VCAM1: variants seen among roughly 807,000 people sequenced by gnomAD.
VCAM1 encodes the protein vascular cell adhesion molecule 1.
VCAM1 carries 41 observed loss-of-function variants against 63.8 expected under a neutral mutation model. The ratio of observed to expected loss-of-function variants is 0.64; its 90% CI spans 0.50 to 0.83. The LOEUF is 0.83. Among genes scored for constraint, VCAM1 ranks in the 40% least tolerant of loss-of-function variants. VCAM1 has a pLI of 0.00. For missense variants in VCAM1, 798 were observed against 875.5 expected, an observed-to-expected ratio of 0.91 and a Z score of 1.12; for synonymous variants, 338 against 320.7, an observed-to-expected ratio of 1.05 and a Z score of -0.58.
intron 2 of VCAM1, among the ~76,000 whole-genome samples, chr1:100,721,306 T>A (rs1426175772): frequency 6.6e-6 from 1 of 152,064 alleles, no homozygotes; most frequent in Non-Finnish European, 1.5e-5. Context: ...ATTTAGGATT[T>A]TTTTTTGGTT....
intron 3 of VCAM1, among the ~76,000 whole-genome samples, chr1:100,723,723 C>T (rs943754790): frequency 6.6e-6 from 1 of 151,978 alleles, no homozygotes; most frequent in Non-Finnish European, 1.5e-5. Flanking sequence ...TGCACAGGTA[C>T]AGAAACTTGA....
chr1:100,731,545 G>GT lies in VCAM1; in HGVS notation c.1525+30dup, dbSNP rs1660458186. The GT allele has an allele frequency of 7.0e-6, 11 of 1,568,096 alleles. No individual in the cohort carries two copies. The highest frequency in any genetic ancestry group is 8.7e-6 in the Non-Finnish European group (10 of 1,150,258). ...TAAGTACATATGTGAGGTATCTACA[G>GT]TTTAATACCTGTCTCTTTATCGTGT... On this transcript the variant is annotated intron_variant, in intron 6 of 8. Coordinates refer to ENST00000294728, the MANE Select transcript of VCAM1 (RefSeq NM_001078.4). The surrounding 1 kb of genome is among the most constrained non-coding windows in gnomAD (Gnocchi z 4.2).
At chr1:100,724,009 C>T (rs1208246526) in intron 3 of VCAM1, among the ~76,000 whole-genome samples, 2 of 151,920 alleles carry the variant, frequency 1.3e-5, no homozygotes, top group African/African-American at 4.8e-5. Context: ...AGAGAATGAG[C>T]TGGGAAGGCT....
intron 7 of VCAM1, 39 bp downstream of exon 7, chr1:100,732,723 A>G: frequency 6.6e-7 from 1 of 1,505,144 alleles, no homozygotes; most frequent in East Asian, 2.3e-5. Context: ...CTTGCTAGTA[A>G]TGTTTTTGGT....
At chr1:100,727,919 A>G (rs1381212019) in intron 4 of VCAM1, among the ~76,000 whole-genome samples, 1 of 152,136 alleles carries the variant, frequency 6.6e-6, no homozygotes, top group Non-Finnish European at 1.5e-5. Context: ...ATAGATGAGA[A>G]CCATGCAAAA....
rs769108310 is a variant in VCAM1, at chr1:100,734,667, A to G, written c.1958A>G (p.Tyr653Cys). 1.2e-6 allele frequency: 2 copies of G among 1,614,038 alleles called. No individual in the cohort carries two copies. The highest frequency in any genetic ancestry group is 2.2e-5 in the South Asian group (2 of 91,082). Reference sequence around the variant, plus strand: ...GTACTAAAATCTATAGATGGCGCCTATACCATCCGAAAGGCCCAGTTGAAG... The same window carrying G: ...GTACTAAAATCTATAGATGGCGCCTGTACCATCCGAAAGGCCCAGTTGAAG... Reference protein sequence around the residue: ...DTVLKSIDGAYTIRKAQLKDA... With the variant: ...DTVLKSIDGACTIRKAQLKDA... The change falls in exon 8 of 9, where the codon TAT becomes TGT. Residue 653 changes from tyrosine (Y) to cysteine (C), a missense_variant. Physicochemically the swap from Tyr to Cys is radical, Grantham distance 194 (BLOSUM62 -2). Coordinates refer to ENST00000294728, the MANE Select transcript of VCAM1 (RefSeq NM_001078.4).
At chr1:100,729,428 A>G (rs1460256360) in intron 5 of VCAM1, 46 bp downstream of exon 5, 1 of 1,490,704 alleles carries the variant, frequency 6.7e-7, no homozygotes, top group Non-Finnish European at 8.9e-7. Context: ...TTTCAGTTCT[A>G]TTGGAAGAAA....
chr1:100,738,090 G>T (rs1254900719), intron 8 of VCAM1, 33 bp from the exon 9 acceptor site: 4 of 1,602,776 alleles, frequency 2.5e-6, no homozygotes, highest in South Asian at 1.1e-5. Context: ...TTTTGTACTA[G>T]ACATTAATTG....
At position 100,734,381 on chromosome 1, in the gene VCAM1, C is replaced by G. The variant is rs572704751; in HGVS notation, c.1793-121C>G. On this transcript the variant is annotated intron_variant, in intron 7 of 8. Transcript: ENST00000294728. Reference sequence around the variant, plus strand: ...TGACTTCTTTACTTGCCCTTCTTAACATTTAATGCAAACGCTAAGCACAAA... The same window carrying G: ...TGACTTCTTTACTTGCCCTTCTTAAGATTTAATGCAAACGCTAAGCACAAA... The G allele has an allele frequency of 1.3e-5, 14 of 1,107,566 alleles. No homozygotes were observed. The Admixed American group carries it at 3.9e-4, about 31-fold the overall frequency. 68.6% of individuals were successfully genotyped at this position (1,107,566 alleles called of 1,614,324 possible). A position where few individuals can be genotyped will look rare whatever the true frequency, so the allele number is the denominator to read the frequency against.
At position 100,731,824 on chromosome 1, in the gene VCAM1, T is replaced by C. The variant is rs1571460324; in HGVS notation, c.1525+306T>C. Among the ~76,000 whole-genome samples, 2 of 152,154 alleles carry C rather than the reference T, an allele frequency of 1.3e-5. No individual in the cohort carries two copies. Among genetic ancestry groups the C allele is most frequent in the South Asian group, 4.1e-4 (2 of 4,830 alleles). On this transcript the variant is annotated intron_variant, in intron 6 of 8. Coordinates refer to ENST00000294728, the MANE Select transcript of VCAM1 (RefSeq NM_001078.4). This position sits in a 1 kb window ranked among gnomAD's most constrained non-coding sequence, Gnocchi z 4.2. ...CAGTAAGGTTAGCAGGGCTGGCTGG[T>C]CTCAGATGACTTCACCCACATGTCT...
chr1:100,722,584 C>T (rs898206105), intron 2 of VCAM1, among the ~76,000 whole-genome samples: 3 of 151,904 alleles, frequency 2.0e-5, no homozygotes, highest in African/African-American at 7.3e-5. Context: ...CCAGCTTTAC[C>T]ATTTACTAGG....
intron 1 of VCAM1, 60 bp downstream of exon 1, chr1:100,719,984 G>A: frequency 1.9e-6 from 3 of 1,576,764 alleles, no homozygotes; most frequent in Non-Finnish European, 1.7e-6. Flanking sequence ...CCTGGTTTTG[G>A]CTTCAGTCAG....
At chr1:100,722,337 C>T (rs1659982727) in intron 2 of VCAM1, among the ~76,000 whole-genome samples, 1 of 151,984 alleles carries the variant, frequency 6.6e-6, no homozygotes. Flanking sequence ...ATGTATCTTT[C>T]TGGTGGATGA....
At chr1:100,728,649 C>T (rs3176867) in intron 4 of VCAM1, among the ~76,000 whole-genome samples, 31,082 of 150,442 alleles carry the variant, frequency 0.21, 4,015 homozygotes, top group Admixed American at 0.33. Flanking sequence ...AGAGTAGAAG[C>T]AGAAAGAGAA....
chr1:100,723,191 A>G lies in VCAM1; in HGVS notation c.512A>G (p.Lys171Arg), dbSNP rs1410447600. 1.9e-6 allele frequency: 3 copies of G among 1,613,078 alleles called. No individual in the cohort carries two copies. The highest frequency in any genetic ancestry group is 1.3e-5 in the African/African-American group (1 of 74,860). The change falls in exon 3 of 9, where the codon AAG (lysine) becomes AGG (arginine). Residue 171 changes from lysine (K) to arginine (R), a missense_variant. Coordinates refer to ENST00000294728, the MANE Select transcript of VCAM1 (RefSeq NM_001078.4). ...SQEFLEDADR[K>R]SLETKSLEVT... ...GAATTTCTGGAGGATGCAGACAGGA[A>G]GTCCCTGGAAACCAAGAGTTTGGAA... is the stretch of plus-strand genomic sequence containing the variant.
intron 8 of VCAM1, chr1:100,737,193 T>C (rs986322038): frequency 6.6e-6 from 1 of 152,166 alleles, no homozygotes; most frequent in African/African-American, 2.4e-5. Context: ...AAAAATGTTA[T>C]TAGTGTTTAA....
chr1:100,726,962 G>A (rs960530820), intron 4 of VCAM1, among the ~76,000 whole-genome samples: 1 of 151,798 alleles, frequency 6.6e-6, no homozygotes, highest in Non-Finnish European at 1.5e-5. Flanking sequence ...AGGAGTACAA[G>A]ACCAGCCTCG....
intron 8 of VCAM1, chr1:100,735,081 T>C (rs1660602622): frequency 3.7e-6 from 1 of 268,566 alleles, no homozygotes; most frequent in African/African-American, 2.2e-5. Flanking sequence ...ATAAGGAAAC[T>C]AAAGAAGTAG....
At chr1:100,736,976 G>T (rs1453892334) in intron 8 of VCAM1, 1 of 152,176 alleles carries the variant, frequency 6.6e-6, no homozygotes, top group Non-Finnish European at 1.5e-5. Flanking sequence ...ACATGATGCT[G>T]TGCAAAGTAT....
Sources: allele counts gnomAD v4.1 joint callset (sites outside exome capture counted in the v4.1 genomes callset), GRCh38; gene constraint gnomAD v4.1.1; non-coding constraint Gnocchi (gnomAD v3.1); transcripts MANE v1.5; gene names NCBI Gene and HGNC (gene_info 2026-07-23, HGNC 2026-07-21).